The following SETX variants were observed in gnomAD, a reference collection of about 807,000 sequenced individuals.
The protein encoded by SETX is helicase senataxin.
SETX carries 90 observed loss-of-function variants against 227.2 expected under a neutral mutation model. That is an observed-to-expected ratio of 0.40 (90% CI 0.33 to 0.47). The LOEUF is 0.47. Among genes scored for constraint, SETX ranks in the 20% least tolerant of loss-of-function variants. SETX has a pLI of 0.91. For synonymous variants in SETX, 1,210 were observed against 1,113.2 expected (o/e 1.09, Z -1.73); for missense variants, 3,052 against 3,181.5 (o/e 0.96, Z 0.98).
In SETX at chr9:132,346,311, G is replaced by A; in HGVS notation, c.338C>T (p.Pro113Leu). 6.2e-7 allele frequency: 1 copy of A among 1,614,040 alleles called. No homozygotes were observed. Among genetic ancestry groups the A allele is most frequent in the Non-Finnish European group, 8.5e-7 (1 of 1,179,988 alleles). The change falls in exon 4 of 26, where the codon CCT (proline) becomes CTT (leucine). Residue 113 changes from proline to leucine, a missense_variant. This residue lies in a region of SETX where 152 missense variants were observed against 156.2 expected (regional missense o/e 0.97). Coordinates refer to ENST00000224140, the MANE Select transcript of SETX (RefSeq NM_015046.7). ...GQDFENKLRV[P>L]LLEILKYPYL... is the part of the protein sequence containing the mutation. ...AGGATATTTCAGTATTTCAAGAAGA[G>A]GAACTCGAAGCTTATTTTCAAAGTC...
At chr9:132,314,906 GTTTTTTTTTTTTT>G (rs559979271) in intron 10 of SETX, among the ~76,000 whole-genome samples, 1 of 88,478 alleles carries the variant, frequency 1.1e-5, no homozygotes, top group Non-Finnish European at 2.2e-5. Context: ...ATTTTATTGT[GTTTTTTTTTTTTT>G]TTTTTTTTTT....
intron 21 of SETX, among the ~76,000 whole-genome samples, chr9:132,277,541 G>C (rs1843228536): frequency 6.6e-6 from 1 of 152,178 alleles, no homozygotes; most frequent in Admixed American, 6.5e-5. Context: ...CACTTTGGGA[G>C]ACCAAGGCGG....
intron 10 of SETX, among the ~76,000 whole-genome samples, chr9:132,314,538 TAAAGG>T (rs897878615): frequency 6.6e-6 from 1 of 152,148 alleles, no homozygotes; most frequent in African/African-American, 2.4e-5. Context: ...TTCCAAGTAT[TAAAGG>T]TCAGTGGTAA....
At chr9:132,320,185 A>G (rs1846230452) in intron 10 of SETX, among the ~76,000 whole-genome samples, 1 of 152,216 alleles carries the variant, frequency 6.6e-6, no homozygotes, top group South Asian at 2.1e-4. Flanking sequence ...AATTCTACGT[A>G]ATGTCACTAC....
chr9:132,319,581 G>A (rs1846200832), intron 10 of SETX, among the ~76,000 whole-genome samples: 1 of 152,098 alleles, frequency 6.6e-6, no homozygotes, highest in Admixed American at 6.6e-5. Flanking sequence ...CCCATCTCAT[G>A]GCATTACATT....
At chr9:132,331,767 C>T (rs554097441) in intron 7 of SETX, among the ~76,000 whole-genome samples, 8 of 152,142 alleles carry the variant, frequency 5.3e-5, no homozygotes, top group Non-Finnish European at 8.8e-5. Flanking sequence ...TTTGCCATAC[C>T]AGAAACAACC....
At chr9:132,279,279 G>A (rs2131188632) in intron 20 of SETX, among the ~76,000 whole-genome samples, 1 of 152,222 alleles carries the variant, frequency 6.6e-6, no homozygotes, top group Middle Eastern at 3.4e-3. Flanking sequence ...AAAAGGGGAG[G>A]GGGAGGGATA....
intron 10 of SETX, among the ~76,000 whole-genome samples, chr9:132,314,349 A>G (rs1015964785): frequency 6.6e-6 from 1 of 152,072 alleles, no homozygotes; most frequent in Admixed American, 6.5e-5. Context: ...TCAGCCTCCC[A>G]AAGTGCTGGG....
chr9:132,297,170 G>C (rs936630839), intron 13 of SETX, 116 bp from the exon 14 acceptor site: 2 of 854,718 alleles, frequency 2.3e-6, no homozygotes, highest in African/African-American at 1.8e-5. Flanking sequence ...AAAAGCTTTG[G>C]TTATGGTCAG....
chr9:132,312,234 C>G (rs2131358067), intron 10 of SETX, among the ~76,000 whole-genome samples: 1 of 152,294 alleles, frequency 6.6e-6, no homozygotes, highest in South Asian at 2.1e-4. Flanking sequence ...ACCAGATCAG[C>G]TAGCTCACAA....
chr9:132,324,049 A>G (rs895926213), intron 10 of SETX, among the ~76,000 whole-genome samples: 1 of 152,200 alleles, frequency 6.6e-6, no homozygotes, highest in African/African-American at 2.4e-5. Context: ...TAAACTCTGT[A>G]TATGTACAAA....
At chr9:132,305,353 C>CAAA (rs144880539) in intron 11 of SETX, among the ~76,000 whole-genome samples, 17,711 of 69,736 alleles carry the variant, frequency 0.25, 2,412 homozygotes, top group East Asian at 0.67. Flanking sequence ...GACTCCGTCT[C>CAAA]AAAAAAAAAA....
In SETX at chr9:132,271,818, A is replaced by G. The variant is rs772760810; in HGVS notation, c.7101-10T>C. ...GTCTACTTCTGCTGGTCTATTTACA[A>G]AAGAGAAACATATTTACTGGAAAAA... is the stretch of plus-strand genomic sequence containing the variant. On this transcript the variant is annotated splice_polypyrimidine_tract_variant and intron_variant, in intron 23 of 25. Transcript: ENST00000224140. 1.1e-5 allele frequency: 18 copies of G among 1,600,378 alleles called. No homozygotes were observed. The South Asian group carries it at 1.9e-4, about 17-fold the overall frequency.
chr9:132,315,085 G>A (rs919205679), intron 10 of SETX, among the ~76,000 whole-genome samples: 1 of 151,808 alleles, frequency 6.6e-6, no homozygotes, highest in South Asian at 2.1e-4. Flanking sequence ...GCTAATTTTT[G>A]TATTTTTAGT....
At chr9:132,286,356 C>G in intron 18 of SETX, 67 bp downstream of exon 18, 2 of 1,111,434 alleles carry the variant, frequency 1.8e-6, no homozygotes, top group Non-Finnish European at 1.3e-6. Context: ...CTTGTCTGAA[C>G]AGTCATACTT....
At chr9:132,315,665 C>G (rs534577410) in intron 10 of SETX, among the ~76,000 whole-genome samples, 2 of 152,210 alleles carry the variant, frequency 1.3e-5, no homozygotes, top group Non-Finnish European at 2.9e-5. Flanking sequence ...CTTTGTACAT[C>G]TGGTTTCCAA....
chr9:132,342,611 A>T (rs1409351740), intron 5 of SETX, 79 bp downstream of exon 5: 4 of 1,067,338 alleles, frequency 3.7e-6, no homozygotes, highest in Non-Finnish European at 5.9e-6. Flanking sequence ...AACAAAATCC[A>T]CACCAAAAAC....
At chr9:132,287,162 A>G (rs1406772511) in intron 17 of SETX, among the ~76,000 whole-genome samples, 1 of 152,218 alleles carries the variant, frequency 6.6e-6, no homozygotes, top group African/African-American at 2.4e-5. Context: ...AACTCAGTAT[A>G]GCTTTAATAT....
intron 10 of SETX, among the ~76,000 whole-genome samples, chr9:132,317,399 A>G (rs761636331): frequency 6.6e-6 from 1 of 152,208 alleles, no homozygotes; most frequent in South Asian, 2.1e-4. Context: ...GTATCACTGA[A>G]TATCTGTAGC....
Sources: gnomAD v4.1 joint callset for allele counts (sites outside exome capture counted in the v4.1 genomes callset) on GRCh38, gnomAD v4.1.1 for gene constraint, gnomAD v4.1.1 regional missense constraint, MANE v1.5 for transcripts, NCBI Gene and HGNC (gene_info 2026-07-23, HGNC 2026-07-21) for gene names.